The following STAB1 variants were observed in gnomAD, a reference collection of about 807,000 sequenced individuals.
STAB1 encodes stabilin-1.
STAB1 carries 250 observed loss-of-function variants against 332.4 expected under a neutral mutation model. That is an observed-to-expected ratio of 0.75 (90% CI 0.68 to 0.84). STAB1 has a LOEUF of 0.84. STAB1 is among the 40% of genes least tolerant of loss of function. The pLI is 0.00. For missense variants in STAB1, 3,249 were observed against 3,489.7 expected (o/e 0.93, Z 1.74); for synonymous variants, 1,475 against 1,390.4 (o/e 1.06, Z -1.35).
Position 52,514,009 on chromosome 3 carries a change from G to A in STAB1, c.3447+28G>A, listed in dbSNP as rs761894746. 14 of 1,592,964 alleles carry A rather than the reference G, an allele frequency of 8.8e-6. No homozygotes were observed. In the Admixed American group the frequency reaches 2.0e-4, roughly 23 times the overall value. On this transcript the variant is annotated intron_variant, in intron 32 of 68. Transcript: ENST00000321725. ...ACGGAAGGCTGGCAAGAGGGGATGT[G>A]CCTGCTCGGGGGACACTGTGCCCCA...
At chr3:52,518,034 G>C in intron 45 of STAB1, 31 bp downstream of exon 45, 1 of 1,579,832 alleles carries the variant, frequency 6.3e-7, no homozygotes, top group Non-Finnish European at 8.6e-7. Flanking sequence ...CCCCTGATCT[G>C]GTCTTGGCTG....
chr3:52,496,045 C>T (rs1707997177), intron 1 of STAB1, among the ~76,000 whole-genome samples: 1 of 152,236 alleles, frequency 6.6e-6, no homozygotes, highest in South Asian at 2.1e-4. Context: ...CCCCTTGAAT[C>T]CTCACAGCCT....
Position 52,517,404 on chromosome 3 carries a change from C to G in STAB1, c.4563+11C>G. On this transcript the variant is annotated intron_variant, in intron 43 of 68. Coordinates refer to ENST00000321725, the MANE Select transcript of STAB1 (RefSeq NM_015136.3). The stretch of plus-strand genomic sequence containing the variant: ...ACTGGCCCCCAGCAGGTCAGCATGG[C>G]AGGGTTGGACATGGGGCATCATGCC... 1 of 1,595,134 alleles carries G rather than the reference C, an allele frequency of 6.3e-7. No homozygotes were observed. The highest frequency in any genetic ancestry group is 8.5e-7 in the Non-Finnish European group (1 of 1,171,622).
Position 52,520,778 on chromosome 3 carries a change from A to C in STAB1, c.5707-26A>C, listed in dbSNP as rs1331574000. On this transcript the variant is annotated intron_variant, in intron 54 of 68. Transcript: ENST00000321725. ...GGACCACCAAACTCAGAACCACCCA[A>C]CTGCGGCCTGACTCCTTTGGCCCAG... The C allele has an allele frequency of 2.5e-6, 4 of 1,612,620 alleles. No individual in the cohort carries two copies. In the African/African-American group the frequency reaches 4.0e-5, roughly 16 times the overall value.
chr3:52,523,535 A>G lies in STAB1; in HGVS notation c.7249A>G (p.Ile2417Val), dbSNP rs141427789. The G allele has an allele frequency of 1.2e-6, 2 of 1,612,818 alleles. No individual in the cohort carries two copies. The highest frequency in any genetic ancestry group is 1.7e-6 in the Non-Finnish European group (2 of 1,180,020). ...GGCCCACTCAGGCCTCAGCCTCATC[A>G]TCAGTGACGCAGGCCCTGACAACAG... ...LPAHSGLSLI[I>V]SDAGPDNSSW... Residue 2417 changes from isoleucine (I) to valine (V), a missense_variant, in exon 65 of 69, where the codon ATC (isoleucine) becomes GTC (valine). Ile to Val is a conservative substitution (Grantham distance 29). Coordinates refer to ENST00000321725, the MANE Select transcript of STAB1 (RefSeq NM_015136.3).
intron 20 of STAB1, 59 bp from the exon 21 acceptor site, chr3:52,508,214 G>C: frequency 1.3e-6 from 2 of 1,521,114 alleles, no homozygotes; most frequent in Admixed American, 3.5e-5. Flanking sequence ...AGCAGAGGCA[G>C]CCTGGGCAGG....
chr3:52,504,206 G>C, intron 10 of STAB1, 51 bp downstream of exon 10: 1 of 1,552,420 alleles, frequency 6.4e-7, no homozygotes, highest in Middle Eastern at 2.1e-4. Context: ...CCCCAGCACA[G>C]TTGGCAGGGA....
intron 25 of STAB1, among the ~76,000 whole-genome samples, chr3:52,510,869 G>A (rs145774082): frequency 2.0e-5 from 3 of 152,326 alleles, no homozygotes; most frequent in East Asian, 3.9e-4. Context: ...ACGGGAGCTC[G>A]GAACCTGGAG....
Position 52,504,022 on chromosome 3 carries a change from G to T in STAB1, c.1023-6G>T, listed in dbSNP as rs1455611320. ...CCGCCCTGACTGGCTCTCCCTGGGA[G>T]CCCAGCTGTGTGTGCAGGGAAAGCG... On this transcript the variant is annotated splice_region_variant and splice_polypyrimidine_tract_variant and intron_variant, in intron 9 of 68. Transcript: ENST00000321725. The T allele has an allele frequency of 1.2e-6, 2 of 1,605,632 alleles. No homozygotes were observed. Among genetic ancestry groups the T allele is most frequent in the Admixed American group, 3.4e-5 (2 of 58,706 alleles).
rs750454831 is a variant in STAB1, at chr3:52,506,891, C to A, written c.1989+41C>A. ...ACGGCCAGGGCCCTACTCACTAACCCCTGTCAGCGCTGGAGCGGCAATCCT... is the reference window on the plus strand; with the variant it reads ...ACGGCCAGGGCCCTACTCACTAACCACTGTCAGCGCTGGAGCGGCAATCCT... On this transcript the variant is annotated intron_variant, in intron 18 of 68. Transcript: ENST00000321725. 14 of 1,601,422 alleles carry A rather than the reference C, an allele frequency of 8.7e-6. No individual in the cohort carries two copies. The South Asian group carries it at 1.3e-4, about 15-fold the overall frequency.
chr3:52,504,045 G>C lies in STAB1; in HGVS notation c.1040G>C (p.Ser347Thr), dbSNP rs149283114. The C allele has an allele frequency of 6.3e-7, 1 of 1,596,762 alleles. No homozygotes were observed. Among genetic ancestry groups the C allele is most frequent in the African/African-American group, 1.3e-5 (1 of 74,596 alleles). The part of the protein sequence containing the change: ...DGKTSCVCRE[S>T]EVGDGRACYG... The stretch of plus-strand genomic sequence containing the variant: ...GAGCCCAGCTGTGTGTGCAGGGAAA[G>C]CGAGGTGGGGGATGGGCGTGCCTGC... The change falls in exon 10 of 69, where the codon AGC (serine) becomes ACC (threonine). Residue 347 changes from serine (S) to threonine (T), a missense_variant. Coordinates refer to ENST00000321725, the MANE Select transcript of STAB1 (RefSeq NM_015136.3).
chr3:52,508,000 G>A lies in STAB1; in HGVS notation c.2122G>A (p.Ala708Thr), dbSNP rs1709003850. Reference protein sequence around the residue: ...TGLNVLKKGCASYCNQTIMEQ... With the variant: ...TGLNVLKKGCTSYCNQTIMEQ... Reference sequence around the variant, plus strand: ...GCTCAATGTGCTAAAGAAGGGCTGTGCCAGCTACTGCAACCAAACCATCAT... The same window carrying A: ...GCTCAATGTGCTAAAGAAGGGCTGTACCAGCTACTGCAACCAAACCATCAT... Residue 708 changes from alanine (A) to threonine (T), a missense_variant, in exon 20 of 69, where the codon GCC becomes ACC. Transcript: ENST00000321725. 1 of 1,613,490 alleles carries A rather than the reference G, an allele frequency of 6.2e-7. No homozygotes were observed. Among genetic ancestry groups the A allele is most frequent in the South Asian group, 1.1e-5 (1 of 91,078 alleles).
chr3:52,501,258 A>G lies in STAB1; in HGVS notation c.171A>G (p.Ser57=), dbSNP rs1708421557. ...CAAIKKQTCP[S]GWLRELPDQI... is the part of the protein sequence containing the mutation. ...CCATCAAGAAGCAGACGTGTCCCTC[A>G]GGCTGGCTGCGGGAGCTCCCGGATC... Residue 57 remains serine, a synonymous_variant, in exon 2 of 69, where the codon TCA becomes TCG. Transcript: ENST00000321725. The G allele has an allele frequency of 5.6e-6, 9 of 1,613,654 alleles. No individual in the cohort carries two copies. Among genetic ancestry groups the G allele is most frequent in the Non-Finnish European group, 6.8e-6 (8 of 1,180,000 alleles).
intron 50 of STAB1, 71 bp downstream of exon 50, chr3:52,519,635 T>A: frequency 6.3e-7 from 1 of 1,578,034 alleles, no homozygotes; most frequent in African/African-American, 1.3e-5. Context: ...TGTGTATGCG[T>A]ACCTGTGTGT....
chr3:52,504,377 C>T, intron 10 of STAB1, 84 bp from the exon 11 acceptor site: 4 of 1,495,618 alleles, frequency 2.7e-6, no homozygotes, highest in South Asian at 2.3e-5. Flanking sequence ...AACTCCCCCA[C>T]ACCAGGTCTG....
At chr3:52,500,189 G>A (rs981116164) in intron 1 of STAB1, among the ~76,000 whole-genome samples, 1 of 152,194 alleles carries the variant, frequency 6.6e-6, no homozygotes, top group East Asian at 1.9e-4. Context: ...TCGGGCCACT[G>A]CCTGCCTTGT....
intron 23 of STAB1, 36 bp from the exon 24 acceptor site, chr3:52,510,106 A>G (rs1709184372): frequency 6.2e-6 from 10 of 1,613,582 alleles, no homozygotes; most frequent in Middle Eastern, 1.6e-4. Flanking sequence ...TTCATACCTG[A>G]GGCTCACTGG....
At chr3:52,516,266 G>GGCGGC in intron 38 of STAB1, 28 bp downstream of exon 38, 1 of 794,416 alleles carries the variant, frequency 1.3e-6, no homozygotes, top group Middle Eastern at 2.3e-4. Context: ...GCGGGGGTGG[G>GGCGGC]CCTCCTGGCA....
intron 60 of STAB1, 33 bp downstream of exon 60, chr3:52,522,507 T>C: frequency 6.2e-7 from 1 of 1,613,048 alleles, no homozygotes; most frequent in South Asian, 1.1e-5. Flanking sequence ...AGTACCCATT[T>C]CATTCCTCAG....
Sources: allele counts gnomAD v4.1 joint callset (sites outside exome capture counted in the v4.1 genomes callset), GRCh38; gene constraint gnomAD v4.1.1; transcripts MANE v1.5; gene names NCBI Gene and HGNC (gene_info 2026-07-23, HGNC 2026-07-21).